ZFR: variants seen among roughly 807,000 people sequenced by gnomAD.
ZFR encodes the protein zinc finger RNA-binding protein.
A neutral mutation model predicts 130.7 loss-of-function variants in ZFR; 19 were observed. The ratio of observed to expected loss-of-function variants is 0.15; its 90% CI spans 0.10 to 0.21. ZFR has a LOEUF of 0.21. Ranked by LOEUF, ZFR falls within the 10% of genes least tolerant of loss-of-function variation. The pLI is 1.00. For missense variants in ZFR, 872 were observed against 1,321.5 expected (o/e 0.66, Z 5.27); for synonymous variants, 466 against 456.9 (o/e 1.02, Z -0.25).
intron 15 of ZFR, 103 bp from the exon 16 acceptor site, chr5:32,380,275 G>A: frequency 1.4e-6 from 1 of 706,466 alleles, no homozygotes. Flanking sequence ...AGCCATTTGA[G>A]AGCTTGTTGG....
chr5:32,441,173 C>T (rs111946811), intron 2 of ZFR, among the ~76,000 whole-genome samples: 20 of 152,252 alleles, frequency 1.3e-4, no homozygotes, highest in African/African-American at 4.3e-4. Context: ...GACCGGGTTT[C>T]GCCATGTTGG....
intron 8 of ZFR, among the ~76,000 whole-genome samples, chr5:32,402,617 A>AG (rs1420004056): frequency 1.3e-5 from 2 of 151,464 alleles, no homozygotes; most frequent in African/African-American, 4.9e-5. Context: ...AAAAAAGAAA[A>AG]AAAAAAAAAA....
At chr5:32,399,632 A>G (rs1359445546) in intron 9 of ZFR, among the ~76,000 whole-genome samples, 1 of 152,242 alleles carries the variant, frequency 6.6e-6, no homozygotes, top group Non-Finnish European at 1.5e-5. Flanking sequence ...ATTTTATCAC[A>G]AAACTGACTA....
chr5:32,385,719 G>T, intron 14 of ZFR, 70 bp from the exon 15 acceptor site: 1 of 1,549,260 alleles, frequency 6.5e-7, no homozygotes, highest in Non-Finnish European at 8.8e-7. Context: ...TTTCATTATG[G>T]CTCTTTCACT....
At chr5:32,399,248 C>T (rs916635538) in intron 9 of ZFR, among the ~76,000 whole-genome samples, 2 of 150,960 alleles carry the variant, frequency 1.3e-5, no homozygotes, top group African/African-American at 4.9e-5. Flanking sequence ...ACACTCCAGC[C>T]TGGGTGGCAG....
chr5:32,429,024 C>T (rs998669822), intron 2 of ZFR, among the ~76,000 whole-genome samples: 17 of 132,720 alleles, frequency 1.3e-4, no homozygotes, highest in Admixed American at 6.1e-4. Context: ...CTTGCTCTGT[C>T]GCCCAGGCTG....
At chr5:32,365,680 C>G (rs1752525911) in intron 17 of ZFR, among the ~76,000 whole-genome samples, 1 of 150,200 alleles carries the variant, frequency 6.7e-6, no homozygotes, top group Non-Finnish European at 1.5e-5. Flanking sequence ...CACCTCAGCT[C>G]AGGATCACTT....
At chr5:32,436,846 T>C (rs1754348115) in intron 2 of ZFR, among the ~76,000 whole-genome samples, 1 of 152,202 alleles carries the variant, frequency 6.6e-6, no homozygotes, top group Non-Finnish European at 1.5e-5. Context: ...ACTGATAATG[T>C]TCTGTTTTTG....
chr5:32,379,893 A>C (rs1166624875), intron 16 of ZFR, 182 bp downstream of exon 16: 1 of 474,418 alleles, frequency 2.1e-6, no homozygotes, highest in Non-Finnish European at 3.7e-6. Context: ...TTGTCAAATT[A>C]ATAATAACTG....
chr5:32,408,422 A>G (rs943946455), intron 5 of ZFR, among the ~76,000 whole-genome samples: 6 of 151,988 alleles, frequency 3.9e-5, no homozygotes, highest in African/African-American at 1.5e-4. Flanking sequence ...TCATAAAGTT[A>G]CATTTCTGTG....
At chr5:32,422,564 A>G (rs1264981230) in intron 2 of ZFR, among the ~76,000 whole-genome samples, 2 of 152,226 alleles carry the variant, frequency 1.3e-5, no homozygotes, top group Middle Eastern at 3.4e-3. Context: ...TGGGAGGCCA[A>G]GGCAGCAGGA....
chr5:32,411,437 T>C (rs907356742), intron 5 of ZFR, among the ~76,000 whole-genome samples: 9 of 151,998 alleles, frequency 5.9e-5, no homozygotes, highest in Admixed American at 1.3e-4. Flanking sequence ...GCCTGTAATC[T>C]CAGCACTTGG....
intron 17 of ZFR, among the ~76,000 whole-genome samples, chr5:32,367,054 C>T (rs1752562947): frequency 6.6e-6 from 1 of 151,914 alleles, no homozygotes; most frequent in Non-Finnish European, 1.5e-5. Context: ...CACTGCACTC[C>T]ACTGTAATAT....
chr5:32,393,501 G>A (rs1010722752), intron 11 of ZFR, among the ~76,000 whole-genome samples: 2 of 151,872 alleles, frequency 1.3e-5, no homozygotes, highest in African/African-American at 4.8e-5. Flanking sequence ...GCGCCACCAC[G>A]CCGGCTAATT....
In ZFR at chr5:32,379,136, A is replaced by G. The variant is rs1310267715; in HGVS notation, c.2814T>C (p.Thr938=). Residue 938 remains threonine, a synonymous_variant, in exon 17 of 20, where the codon ACT becomes ACC. Transcript: ENST00000265069. ...ILRDLCQRVP[T]WSDFPSWAME... The stretch of plus-strand genomic sequence containing the variant: ...TTACCCAGCTTGGAAAATCAGACCA[A>G]GTTGGAACTCGCTGACAGAGGTCTC... 2 of 1,613,842 alleles carry G rather than the reference A, an allele frequency of 1.2e-6. No homozygotes were observed.
At chr5:32,386,940 T>C (rs749157000) in intron 14 of ZFR, among the ~76,000 whole-genome samples, 3 of 152,118 alleles carry the variant, frequency 2.0e-5, no homozygotes, top group Non-Finnish European at 4.4e-5. Context: ...CAAGCTAATA[T>C]ATAAAATTTT....
At position 32,444,528 on chromosome 5, in the gene ZFR, C is replaced by G. The variant is rs1026408187; in HGVS notation, c.37+94G>C. ...CACGCCCGGGTGGCGGCCGCCGCCT[C>G]CTCCCCGGAGCCTGCCCCAACCCCC... On this transcript the variant is annotated intron_variant, in intron 1 of 19. Transcript: ENST00000265069. 1,032 of 1,382,850 alleles carry G rather than the reference C, an allele frequency of 7.5e-4. 2 individuals carry two copies. Among genetic ancestry groups the G allele is most frequent in the Non-Finnish European group, 9.3e-4 (986 of 1,064,220 alleles). The allele number at this position is 1,382,850 out of a possible 1,614,324, so 85.7% of individuals were successfully genotyped here.
intron 4 of ZFR, among the ~76,000 whole-genome samples, chr5:32,417,318 AG>A (rs773350059): frequency 2.4e-4 from 36 of 152,148 alleles, no homozygotes; most frequent in Non-Finnish European, 4.0e-4. Context: ...CTGGTTACAA[AG>A]GCTGTTTGTT....
At chr5:32,428,975 CTTTTTTTTTTTTT>C (rs576959110) in intron 2 of ZFR, among the ~76,000 whole-genome samples, 1 of 91,200 alleles carries the variant, frequency 1.1e-5, no homozygotes, top group Non-Finnish European at 2.1e-5. Flanking sequence ...CTTCTTACAT[CTTTTTTTTTTTTT>C]TTTTTTTTTT....
Sources: gnomAD v4.1 joint callset for allele counts (sites outside exome capture counted in the v4.1 genomes callset) on GRCh38, gnomAD v4.1.1 for gene constraint, MANE v1.5 for transcripts, NCBI Gene and HGNC (gene_info 2026-07-23, HGNC 2026-07-21) for gene names.